Variants in MYO18B observed in about 807,000 individuals in gnomAD.
MYO18B encodes myosin XVIIIB.
In MYO18B, 204 loss-of-function variants were observed where a neutral mutation model predicts 273.0. The ratio of observed to expected loss-of-function variants is 0.75; its 90% CI spans 0.67 to 0.84. The LOEUF (loss-of-function observed/expected upper bound fraction) is 0.84. Ranked by LOEUF, MYO18B falls within the 40% of genes least tolerant of loss-of-function variation. MYO18B has a pLI of 0.00. For missense variants in MYO18B, 3,212 were observed against 3,287.6 expected, an observed-to-expected ratio of 0.98 and a Z score of 0.56; for synonymous variants, 1,330 against 1,305.7, an observed-to-expected ratio of 1.02 and a Z score of -0.40.
In MYO18B at chr22:25,921,339, T is replaced by C; in HGVS notation, c.5447T>C (p.Leu1816Pro). Reference protein sequence around the residue: ...RTHALLSDVQLLLGTMEDGKT... With the variant: ...RTHALLSDVQPLLGTMEDGKT... ...CATGCACTGTTGTCAGACGTGCAGC[T>C]CCTTCTGGGCACCATGGAGGATGGC... is the stretch of plus-strand genomic sequence containing the variant. The change falls in exon 34 of 44, where the codon CTC becomes CCC. Residue 1816 changes from leucine to proline, a missense_variant. Coordinates refer to ENST00000335473, the MANE Select transcript of MYO18B (RefSeq NM_032608.7). 6.3e-7 allele frequency: 1 copy of C among 1,585,916 alleles called. No individual in the cohort carries two copies. The highest frequency in any genetic ancestry group is 8.6e-7 in the Non-Finnish European group (1 of 1,166,026).
At chr22:26,057,977 T>C in the MYO18B span, among the ~76,000 whole-genome samples, 1 of 152,156 alleles carries the variant, frequency 6.6e-6, no homozygotes, top group Non-Finnish European at 1.5e-5. Context: ...AAATCTTTCC[T>C]GCTGAACCTG....
intron 31 of MYO18B, among the ~76,000 whole-genome samples, chr22:25,906,457 C>G (rs1465029005): frequency 1.3e-5 from 2 of 152,144 alleles, no homozygotes; most frequent in Non-Finnish European, 2.9e-5. Flanking sequence ...TTGCTCCTCA[C>G]CACGGCATAG....
At chr22:25,897,266 A>G (rs2091828420) in intron 28 of MYO18B, 1 of 152,202 alleles carries the variant, frequency 6.6e-6, no homozygotes, top group South Asian at 2.1e-4. Context: ...TATCTATTCT[A>G]TTCTCAACGT....
chr22:25,912,049 A>C (rs912703257), intron 33 of MYO18B, among the ~76,000 whole-genome samples: 1 of 152,222 alleles, frequency 6.6e-6, no homozygotes, highest in African/African-American at 2.4e-5. Flanking sequence ...CCTTCCCTAA[A>C]TTCATTAACT....
chr22:25,968,201 G>A (rs2092999066), intron 39 of MYO18B, among the ~76,000 whole-genome samples: 1 of 152,144 alleles, frequency 6.6e-6, no homozygotes, highest in Non-Finnish European at 1.5e-5. Context: ...GGCCTGGTTT[G>A]GGTTATATGC....
At chr22:25,880,265 C>A (rs1281237546) in intron 25 of MYO18B, among the ~76,000 whole-genome samples, 2 of 152,088 alleles carry the variant, frequency 1.3e-5, no homozygotes, top group Admixed American at 6.5e-5. Flanking sequence ...AAAATAATCC[C>A]TGATGAACAA....
At chr22:25,903,514 C>T in intron 30 of MYO18B, 117 bp from the exon 31 acceptor site, 1 of 1,037,842 alleles carries the variant, frequency 9.6e-7, no homozygotes, top group Non-Finnish European at 1.4e-6. Context: ...GTGGAAATGG[C>T]AGGCATTGGA....
At chr22:25,755,889 G>A (rs2086102078) in intron 1 of MYO18B, among the ~76,000 whole-genome samples, 1 of 151,878 alleles carries the variant, frequency 6.6e-6, no homozygotes, top group African/African-American at 2.4e-5. Flanking sequence ...TGAGCCAGTT[G>A]AACTTTTTTC....
At chr22:25,921,532 C>T in intron 34 of MYO18B, 123 bp downstream of exon 34, 1 of 1,245,258 alleles carries the variant, frequency 8.0e-7, no homozygotes, top group Non-Finnish European at 1.1e-6. Context: ...CACAGATGTG[C>T]AGGGAGATGG....
At chr22:26,037,612 G>A in the MYO18B span, among the ~76,000 whole-genome samples, 3 of 152,154 alleles carry the variant, frequency 2.0e-5, no homozygotes, top group Non-Finnish European at 1.5e-5. Context: ...ACAGCACTGA[G>A]CCCTAGGAGG....
In MYO18B at chr22:25,768,792, G is replaced by A. The variant is rs1306431316; in HGVS notation, c.876G>A (p.Thr292=). ...AEKEGAEPTN[T]VEKGNVSKDV... is the part of the protein sequence containing the mutation. ...AGGAGGGAGCAGAGCCCACAAACAC[G>A]GTGGAAAAGGGGAATGTCTCTAAGG... is the stretch of plus-strand genomic sequence containing the variant. The change falls in exon 4 of 44, where the codon ACG becomes ACA. Residue 292 remains threonine (T), a synonymous_variant. Transcript: ENST00000335473. 8.7e-6 allele frequency: 14 copies of A among 1,609,380 alleles called. No homozygotes were observed. The East Asian group carries it at 1.1e-4, about 13-fold the overall frequency.
At chr22:26,020,702 T>G (rs1935737875) in intron 42 of MYO18B, among the ~76,000 whole-genome samples, 1 of 152,168 alleles carries the variant, frequency 6.6e-6, no homozygotes, top group African/African-American at 2.4e-5. Flanking sequence ...TGAATATGCA[T>G]ATGGCATGCA....
intron 33 of MYO18B, among the ~76,000 whole-genome samples, chr22:25,919,688 G>A (rs2092314207): frequency 6.6e-6 from 1 of 151,516 alleles, no homozygotes; most frequent in South Asian, 2.1e-4. Context: ...ATGTGTGTGT[G>A]TGTGTGTGTG....
At chr22:25,811,722 G>C (rs1204753116) in intron 12 of MYO18B, among the ~76,000 whole-genome samples, 1 of 152,202 alleles carries the variant, frequency 6.6e-6, no homozygotes, top group African/African-American at 2.4e-5. Context: ...TGTCCAGAAT[G>C]AATGGACCTC....
At chr22:25,947,870 G>A (rs1391693928) in intron 36 of MYO18B, 42 bp downstream of exon 36, 8 of 1,495,902 alleles carry the variant, frequency 5.3e-6, no homozygotes, top group Admixed American at 1.7e-5. Flanking sequence ...AGGGACTTGG[G>A]GTGGGGTGAA....
intron 1 of MYO18B, among the ~76,000 whole-genome samples, chr22:25,744,454 G>A (rs1050338696): frequency 3.9e-5 from 6 of 152,180 alleles, no homozygotes; most frequent in African/African-American, 1.4e-4. Flanking sequence ...CAAAGTGGCC[G>A]GGCGCGGGGG....
intron 12 of MYO18B, among the ~76,000 whole-genome samples, chr22:25,798,674 C>G (rs1318694826): frequency 6.6e-6 from 1 of 152,174 alleles, no homozygotes; most frequent in East Asian, 1.9e-4. Context: ...ATCCTCCCGC[C>G]TCAGCCTCCT....
chr22:25,925,422 A>T (rs1168198287), intron 34 of MYO18B, among the ~76,000 whole-genome samples: 1 of 152,170 alleles, frequency 6.6e-6, no homozygotes, highest in Non-Finnish European at 1.5e-5. Context: ...AGTGTGACAG[A>T]TCTTATTTCC....
At chr22:25,967,375 G>A (rs1036582486) in intron 39 of MYO18B, among the ~76,000 whole-genome samples, 1 of 152,164 alleles carries the variant, frequency 6.6e-6, no homozygotes, top group Non-Finnish European at 1.5e-5. Context: ...TCATTGTTAC[G>A]ATTTGACATC....
Sources: allele counts gnomAD v4.1 joint callset (sites outside exome capture counted in the v4.1 genomes callset), GRCh38; gene constraint gnomAD v4.1.1; transcripts MANE v1.5; gene names NCBI Gene and HGNC (gene_info 2026-07-23, HGNC 2026-07-21).